C9orf153: variants seen among roughly 807,000 people sequenced by gnomAD.
C9orf153 encodes chromosome 9 open reading frame 153.
In C9orf153, 10 loss-of-function variants were observed where a neutral mutation model predicts 9.0. The observed-to-expected ratio is 1.11, with a 90% confidence interval of 0.69 to 1.89. The LOEUF (loss-of-function observed/expected upper bound fraction) is 1.89. Ranked by LOEUF, C9orf153 falls within the 40% of genes most tolerant of loss-of-function variation. The pLI, the probability that C9orf153 is intolerant of heterozygous loss-of-function variation, is 0.00. For missense variants in C9orf153, 108 were observed against 111.0 expected (o/e 0.97, Z 0.12); for synonymous variants, 35 against 37.3 (o/e 0.94, Z 0.23).
chr9:86,236,564 A>G (rs1274177809), intron 1 of C9orf153, among the ~76,000 whole-genome samples: 2 of 151,340 alleles, frequency 1.3e-5, no homozygotes, highest in East Asian at 1.9e-4. Context: ...AAAAAAAAAA[A>G]AAAGAAAAGA....
chr9:86,227,785 G>T, intron 3 of C9orf153, 70 bp downstream of exon 3: 1 of 1,530,324 alleles, frequency 6.5e-7, no homozygotes. Context: ...GAGAGAGTGA[G>T]CTTGCCAGTA....
At chr9:86,258,698 T>G (rs897445438) in intron 1 of C9orf153, 1 of 152,214 alleles carries the variant, frequency 6.6e-6, no homozygotes, top group Non-Finnish European at 1.5e-5. Flanking sequence ...TTTTCTTGGG[T>G]AAGCAACTAT....
At chr9:86,231,156 A>G (rs1169965054) in intron 1 of C9orf153, among the ~76,000 whole-genome samples, 1 of 152,184 alleles carries the variant, frequency 6.6e-6, no homozygotes, top group Non-Finnish European at 1.5e-5. Flanking sequence ...CCAGATAACT[A>G]CAGCAGCATA....
chr9:86,239,742 A>G (rs1356660991), intron 1 of C9orf153, among the ~76,000 whole-genome samples: 1 of 152,248 alleles, frequency 6.6e-6, no homozygotes, highest in East Asian at 1.9e-4. Flanking sequence ...ACTGAATTGT[A>G]TGCTAAAAAG....
At chr9:86,248,293 C>T (rs1372534305) in intron 1 of C9orf153, among the ~76,000 whole-genome samples, 1 of 151,978 alleles carries the variant, frequency 6.6e-6, no homozygotes, top group African/African-American at 2.4e-5. Flanking sequence ...GCCACCACCC[C>T]CGGCTAATTT....
At chr9:86,252,075 C>T (rs1825009358) in intron 1 of C9orf153, among the ~76,000 whole-genome samples, 2 of 152,092 alleles carry the variant, frequency 1.3e-5, no homozygotes, top group South Asian at 4.1e-4. Context: ...CACTCTGTTG[C>T]CCAGGCTGTG....
At chr9:86,233,920 T>C (rs1351070527) in intron 1 of C9orf153, among the ~76,000 whole-genome samples, 2 of 151,934 alleles carry the variant, frequency 1.3e-5, no homozygotes, top group East Asian at 3.9e-4. Context: ...CCATCTTTAC[T>C]AAAAATACAA....
chr9:86,224,184 C>T (rs1376635221), intron 3 of C9orf153, among the ~76,000 whole-genome samples: 1 of 151,920 alleles, frequency 6.6e-6, no homozygotes, highest in East Asian at 1.9e-4. Flanking sequence ...CTCAGAAGTT[C>T]AAGACCAGCC....
chr9:86,238,577 A>G (rs1824656673), intron 1 of C9orf153, among the ~76,000 whole-genome samples: 2 of 152,220 alleles, frequency 1.3e-5, no homozygotes, highest in Non-Finnish European at 2.9e-5. Context: ...AGAGAACGAC[A>G]TACCCCAAGA....
At chr9:86,252,473 A>T (rs911920273) in intron 1 of C9orf153, among the ~76,000 whole-genome samples, 4 of 152,198 alleles carry the variant, frequency 2.6e-5, no homozygotes, top group Admixed American at 2.6e-4. Context: ...TCCTATTCTG[A>T]TCAAGTGTTT....
chr9:86,224,914 C>A (rs1271582313), intron 3 of C9orf153, among the ~76,000 whole-genome samples: 4 of 131,492 alleles, frequency 3.0e-5, no homozygotes, highest in African/African-American at 1.2e-4. Flanking sequence ...GCACTCCAGC[C>A]TGGGCAACAG....
At chr9:86,234,757 T>C (rs949947785) in intron 1 of C9orf153, among the ~76,000 whole-genome samples, 3 of 152,106 alleles carry the variant, frequency 2.0e-5, no homozygotes, top group Middle Eastern at 3.2e-3. Context: ...GTGAAAATAG[T>C]GAAAAGACCA....
Position 86,220,816 on chromosome 9 carries a change from C to T in C9orf153, c.*872G>A, listed in dbSNP as rs778996831. 2.6e-5 allele frequency: 4 copies of T among 151,928 alleles called. No homozygotes were observed. Among genetic ancestry groups the T allele is most frequent in the Admixed American group, 6.6e-5 (1 of 15,218 alleles). The allele number at this position is 151,928 out of a possible 1,614,324, so 9.4% of individuals were successfully genotyped here. On this transcript the variant is annotated 3_prime_UTR_variant, in exon 4 of 4. Coordinates refer to ENST00000339137, the MANE Select transcript of C9orf153 (RefSeq NM_001276366.4). ...CCTATTTTTTTTCTGCTAATTCCAT[C>T]GTATACATTTCTGAACTTCTCATTC... is the stretch of plus-strand genomic sequence containing the variant.
chr9:86,250,846 T>C (rs938759322), intron 1 of C9orf153, among the ~76,000 whole-genome samples: 3 of 152,208 alleles, frequency 2.0e-5, no homozygotes, highest in Admixed American at 1.3e-4. Context: ...AGAATGGTAG[T>C]TGAAAACGAA....
intron 1 of C9orf153, among the ~76,000 whole-genome samples, chr9:86,237,478 G>A (rs1410701423): frequency 3.3e-5 from 5 of 151,938 alleles, no homozygotes; most frequent in African/African-American, 9.7e-5. Context: ...AATGAGATGG[G>A]GTCTATGTTG....
intron 1 of C9orf153, among the ~76,000 whole-genome samples, chr9:86,245,348 C>G (rs1317254897): frequency 6.6e-6 from 1 of 152,150 alleles, no homozygotes; most frequent in South Asian, 2.1e-4. Context: ...CATTGTGTAA[C>G]GCATCTCCAG....
intron 3 of C9orf153, chr9:86,227,395 C>T (rs751235011): frequency 1.3e-6 from 2 of 1,524,056 alleles, no homozygotes; most frequent in Middle Eastern, 1.8e-4. Context: ...ATTTTATTGA[C>T]ACTGTATAAA....
At chr9:86,256,881 G>GCCAC (rs1231321247) in intron 1 of C9orf153, among the ~76,000 whole-genome samples, 3 of 152,142 alleles carry the variant, frequency 2.0e-5, no homozygotes, top group Admixed American at 1.3e-4. Context: ...TATTTTGAGT[G>GCCAC]AGTCACTGTG....
In C9orf153 at chr9:86,221,380, G is replaced by T. The variant is rs559796870; in HGVS notation, c.*308C>A. ...GCTTAATTTTACAATATACCTTCAT[G>T]TGTGTTGTACACACTCACTTCAGAT... On this transcript the variant is annotated 3_prime_UTR_variant, in exon 4 of 4. Coordinates refer to ENST00000339137, the MANE Select transcript of C9orf153 (RefSeq NM_001276366.4). The T allele has an allele frequency of 6.7e-4, 217 of 323,896 alleles. No individual in the cohort carries two copies. The highest frequency in any genetic ancestry group is 4.3e-3 in the African/African-American group (201 of 46,296). The allele number at this position is 323,896 out of a possible 1,614,324, so 20.1% of individuals were successfully genotyped here.
Sources: gnomAD v4.1 joint callset for allele counts (sites outside exome capture counted in the v4.1 genomes callset) on GRCh38, gnomAD v4.1.1 for gene constraint, MANE v1.5 for transcripts, NCBI Gene and HGNC (gene_info 2026-07-23, HGNC 2026-07-21) for gene names.